The following PTPRD variants were observed in gnomAD, a reference collection of about 807,000 sequenced individuals.
PTPRD encodes protein tyrosine phosphatase receptor type D.
PTPRD carries 34 observed loss-of-function variants against 214.5 expected under a neutral mutation model. That is an observed-to-expected ratio of 0.16 (90% CI 0.12 to 0.21). PTPRD has a LOEUF of 0.21. PTPRD is among the 10% of genes least tolerant of loss of function. The pLI is 1.00. For synonymous variants in PTPRD, 1,128 were observed against 845.7 expected, an observed-to-expected ratio of 1.33 and a Z score of -5.79; for missense variants, 2,545 against 2,398.7, an observed-to-expected ratio of 1.06 and a Z score of -1.27.
intron 9 of PTPRD, among the ~76,000 whole-genome samples, chr9:9,240,651 G>GGAAGC (rs2099969910): frequency 1.3e-5 from 2 of 152,122 alleles, no homozygotes. Flanking sequence ...TAAAATATAT[G>GGAAGC]GAAGCATTGT....
At chr9:8,672,746 T>A (rs1330991783) in intron 12 of PTPRD, among the ~76,000 whole-genome samples, 1 of 150,972 alleles carries the variant, frequency 6.6e-6, no homozygotes, top group African/African-American at 2.4e-5. Context: ...GGCAACTGAT[T>A]ATGAAATTTT....
At chr9:10,227,481 G>C (rs2099592758) in intron 3 of PTPRD, among the ~76,000 whole-genome samples, 1 of 151,854 alleles carries the variant, frequency 6.6e-6, no homozygotes, top group Non-Finnish European at 1.5e-5. Flanking sequence ...AAACTTTACA[G>C]TCTCTCTGTG....
At position 9,677,444 on chromosome 9, in the gene PTPRD, A is replaced by T. The variant is rs533665743; in HGVS notation, c.-287+57089T>A. On this transcript the variant is annotated intron_variant, in intron 7 of 45. Coordinates refer to ENST00000381196, the MANE Select transcript of PTPRD (RefSeq NM_002839.4). ...CAAATCAATAAACGTTTTCCAGCAT[A>T]TAAACAGAACCAATGACAAAAGCCT... Among the ~76,000 whole-genome samples the T allele has an allele frequency of 2.9e-4, 44 of 152,272 alleles. 2 individuals carry two copies. The South Asian group carries it at 6.8e-3, about 24-fold the overall frequency.
intron 11 of PTPRD, among the ~76,000 whole-genome samples, chr9:8,891,811 T>C (rs1235140121): frequency 6.6e-6 from 1 of 152,118 alleles, no homozygotes; most frequent in Admixed American, 6.6e-5. Flanking sequence ...AATAAAGTCA[T>C]TCTGTGACTG....
intron 10 of PTPRD, among the ~76,000 whole-genome samples, chr9:9,178,469 T>C (rs910816752): frequency 2.0e-5 from 3 of 152,124 alleles, no homozygotes; most frequent in African/African-American, 7.2e-5. Flanking sequence ...AAATATCTTT[T>C]ATTATCTTGG....
chr9:8,508,143 T>G (rs777686751), intron 21 of PTPRD, among the ~76,000 whole-genome samples: 1 of 152,216 alleles, frequency 6.6e-6, no homozygotes, highest in Admixed American at 6.5e-5. Context: ...TTAAGAAGTT[T>G]ATAGGATACA....
chr9:9,318,055 C>T (rs1964275266), intron 9 of PTPRD, among the ~76,000 whole-genome samples: 1 of 151,992 alleles, frequency 6.6e-6, no homozygotes, highest in South Asian at 2.1e-4. Context: ...CCTGTAATCC[C>T]AGCTACTTGG....
At chr9:8,667,034 G>T (rs780964783) in intron 12 of PTPRD, among the ~76,000 whole-genome samples, 5 of 152,024 alleles carry the variant, frequency 3.3e-5, no homozygotes, top group Admixed American at 6.6e-5. Context: ...AATTTGGAGG[G>T]CCAGTTTGAA....
intron 2 of PTPRD, among the ~76,000 whole-genome samples, chr9:10,504,162 T>C (rs999884025): frequency 3.4e-5 from 4 of 118,752 alleles, no homozygotes; most frequent in South Asian, 6.3e-4. Flanking sequence ...GAAAGTGTCA[T>C]TGAATGGCGA....
chr9:8,633,634 A>C (rs1344412258), intron 13 of PTPRD, among the ~76,000 whole-genome samples, 176 bp from the exon 14 acceptor site: 1 of 152,060 alleles, frequency 6.6e-6, no homozygotes, highest in Non-Finnish European at 1.5e-5. Context: ...TGAATCTTCT[A>C]CTGAACAAGG....
intron 2 of PTPRD, among the ~76,000 whole-genome samples, chr9:10,513,406 T>C (rs897850536): frequency 7.9e-5 from 12 of 152,150 alleles, no homozygotes; most frequent in African/African-American, 2.9e-4. Context: ...GTGTTTACTA[T>C]GGAATGGAAT....
intron 2 of PTPRD, among the ~76,000 whole-genome samples, chr9:10,405,904 T>C (rs901822392): frequency 6.6e-6 from 1 of 151,484 alleles, no homozygotes; most frequent in Admixed American, 6.6e-5. Flanking sequence ...ACTTAAAGAT[T>C]GGACTACCTC....
chr9:9,992,016 A>G (rs1396500559), intron 4 of PTPRD, among the ~76,000 whole-genome samples: 1 of 152,230 alleles, frequency 6.6e-6, no homozygotes, highest in Non-Finnish European at 1.5e-5. Flanking sequence ...GGAGTCAGTC[A>G]TTATATGAAA....
At chr9:8,652,684 C>A (rs1026398940) in intron 12 of PTPRD, among the ~76,000 whole-genome samples, 1 of 152,140 alleles carries the variant, frequency 6.6e-6, no homozygotes, top group African/African-American at 2.4e-5. Context: ...TTTTGCACCA[C>A]TCTAAAATAT....
chr9:10,042,437 C>T (rs2097313148), intron 3 of PTPRD, among the ~76,000 whole-genome samples: 1 of 151,854 alleles, frequency 6.6e-6, no homozygotes, highest in African/African-American at 2.4e-5. Flanking sequence ...CCTACCTGTC[C>T]AGACCATTTC....
At chr9:9,420,592 T>C (rs2078412034) in intron 8 of PTPRD, among the ~76,000 whole-genome samples, 1 of 151,948 alleles carries the variant, frequency 6.6e-6, no homozygotes, top group Non-Finnish European at 1.5e-5. Context: ...GTTATACAAA[T>C]ATGTGTGTGC....
chr9:9,239,419 T>A (rs1414940777), intron 9 of PTPRD, among the ~76,000 whole-genome samples: 2 of 152,298 alleles, frequency 1.3e-5, no homozygotes, highest in South Asian at 2.1e-4. Context: ...TTGTGTCTCC[T>A]AAATGTTTTA....
At chr9:9,644,406 C>G (rs961753051) in intron 7 of PTPRD, among the ~76,000 whole-genome samples, 1 of 152,134 alleles carries the variant, frequency 6.6e-6, no homozygotes, top group Non-Finnish European at 1.5e-5. Context: ...TGAACTGTCT[C>G]CATGCTTAGA....
chr9:10,473,558 T>C (rs1201308755), intron 2 of PTPRD, among the ~76,000 whole-genome samples: 2 of 152,134 alleles, frequency 1.3e-5, no homozygotes, highest in Non-Finnish European at 2.9e-5. Flanking sequence ...TTGTATGGAA[T>C]TGTAACATCA....
Sources: gnomAD v4.1 joint callset for allele counts (sites outside exome capture counted in the v4.1 genomes callset) on GRCh38, gnomAD v4.1.1 for gene constraint, MANE v1.5 for transcripts, NCBI Gene and HGNC (gene_info 2026-07-23, HGNC 2026-07-21) for gene names.